Variants in ZNF664 observed in about 807,000 individuals in gnomAD.
The protein encoded by ZNF664 is zinc finger protein 664.
Under a neutral mutation model 18.2 loss-of-function variants are expected in ZNF664, and 10 were observed. The observed-to-expected ratio is 0.55, with a 90% CI of 0.34 to 0.93. The LOEUF (loss-of-function observed/expected upper bound fraction) is 0.93. ZNF664 is among the 40% of genes least tolerant of loss of function. The pLI, the probability that ZNF664 is intolerant of heterozygous loss-of-function variation, is 0.02. For missense variants in ZNF664, 193 were observed against 319.0 expected (o/e 0.61, Z 3.01); for synonymous variants, 119 against 104.2 (o/e 1.14, Z -0.86).
In ZNF664 at chr12:124,011,756, C is replaced by G; in HGVS notation, c.-389C>G. 12 of 1,071,954 alleles carry G rather than the reference C, an allele frequency of 1.1e-5. No homozygotes were observed. The highest frequency in any genetic ancestry group is 1.4e-5 in the Non-Finnish European group (12 of 888,684). The allele number at this position is 1,071,954 out of a possible 1,614,324, so 66.4% of individuals were successfully genotyped here. On this transcript the variant is annotated 5_prime_UTR_variant, in exon 5 of 5. Coordinates refer to ENST00000337815, the MANE Select transcript of ZNF664 (RefSeq NM_152437.3). ...GGGGATATACTGTACAGTCCTTTTT[C>G]TAGAAGTGAGACATACAAGATTACT...
intron 2 of ZNF664, among the ~76,000 whole-genome samples, chr12:123,986,721 C>T (rs1197333905): frequency 1.3e-5 from 2 of 152,134 alleles, no homozygotes; most frequent in Non-Finnish European, 2.9e-5. Context: ...GTCATGTGGC[C>T]GATGGCTGCC....
At chr12:123,988,163 T>C in intron 3 of ZNF664, 25 bp downstream of exon 3, 2 of 1,231,376 alleles carry the variant, frequency 1.6e-6, no homozygotes, top group Non-Finnish European at 2.0e-6. Flanking sequence ...TGTTTCACCA[T>C]TTGTCCTAGA....
intron 3 of ZNF664, among the ~76,000 whole-genome samples, chr12:123,992,783 G>A (rs1223519088): frequency 1.3e-5 from 2 of 152,160 alleles, no homozygotes; most frequent in South Asian, 2.1e-4. Flanking sequence ...TGCCTGAACT[G>A]ACAGGCCTTT....
intron 3 of ZNF664, chr12:124,005,808 C>T (rs1235152700): frequency 2.6e-5 from 4 of 152,516 alleles, no homozygotes; most frequent in African/African-American, 9.6e-5. Context: ...CTATACCTCC[C>T]TGGTACTGGG....
rs1291037838 is a variant in ZNF664, at chr12:123,974,037, C to T, written c.-757+17C>T. On this transcript the variant is annotated intron_variant, in intron 2 of 4. Coordinates refer to ENST00000337815, the MANE Select transcript of ZNF664 (RefSeq NM_152437.3). ...CTCACCCAGGTAAACCGGCTGCCGG[C>T]GCTGTCCACTTCCCTCTGACTCCCG... 4 of 1,004,028 alleles carry T rather than the reference C, an allele frequency of 4.0e-6. No homozygotes were observed. Among genetic ancestry groups the T allele is most frequent in the Admixed American group, 9.3e-5 (2 of 21,484 alleles). 62.2% of individuals were successfully genotyped at this position (1,004,028 alleles called of 1,614,324 possible).
In ZNF664 at chr12:124,013,029, C is replaced by T. The variant is rs1002220530; in HGVS notation, c.*99C>T. ...TTGACCCAAGAAATATTTACGCAATCCCTAGCAGAACATTGTTTCTGAGGA... is the reference window on the plus strand; with the variant it reads ...TTGACCCAAGAAATATTTACGCAATTCCTAGCAGAACATTGTTTCTGAGGA... On this transcript the variant is annotated 3_prime_UTR_variant, in exon 5 of 5. Transcript: ENST00000337815. 1.7e-5 allele frequency: 24 copies of T among 1,382,672 alleles called. No individual in the cohort carries two copies. The highest frequency in any genetic ancestry group is 7.9e-5 in the Admixed American group (3 of 37,806). 85.7% of individuals were successfully genotyped at this position (1,382,672 alleles called of 1,614,324 possible). A position where few individuals can be genotyped will look rare whatever the true frequency, so the allele number is the denominator to read the frequency against.
intron 3 of ZNF664, among the ~76,000 whole-genome samples, chr12:124,001,069 T>C (rs1957005902): frequency 6.6e-6 from 1 of 152,224 alleles, no homozygotes; most frequent in Admixed American, 6.5e-5. Flanking sequence ...TCTGTCTTAC[T>C]GAATGGCTCC....
Position 124,012,241 on chromosome 12 carries a change from T to C in ZNF664, c.97T>C (p.Cys33Arg). The C allele has an allele frequency of 6.2e-7, 1 of 1,614,226 alleles. No homozygotes were observed. Among genetic ancestry groups the C allele is most frequent in the Non-Finnish European group, 8.5e-7 (1 of 1,180,048 alleles). ...TCACACAGCTGAGAAGCCCCATAAATGTGACAAGTGTGATAAGGGTTTCTT... is the reference window on the plus strand; with the variant it reads ...TCACACAGCTGAGAAGCCCCATAAACGTGACAAGTGTGATAAGGGTTTCTT... ...KIHTAEKPHK[C>R]DKCDKGFFHI... The change falls in exon 5 of 5, where the codon TGT becomes CGT. Residue 33 changes from cysteine (C) to arginine (R), a missense_variant. Cys to Arg is a radical substitution (Grantham distance 180, BLOSUM62 -3). Transcript: ENST00000337815.
chr12:123,978,242 T>C (rs1956719309), intron 2 of ZNF664, among the ~76,000 whole-genome samples: 2 of 152,044 alleles, frequency 1.3e-5, no homozygotes, highest in Admixed American at 6.5e-5. Flanking sequence ...ATTTTCAATA[T>C]GCAAAGAACT....
chr12:124,007,587 G>A (rs929410654), intron 3 of ZNF664, among the ~76,000 whole-genome samples: 11 of 152,174 alleles, frequency 7.2e-5, no homozygotes, highest in African/African-American at 2.4e-4. Context: ...AATGAGAGCC[G>A]TTTCGGGGAT....
chr12:123,979,284 G>A (rs971620633), intron 2 of ZNF664, among the ~76,000 whole-genome samples: 3 of 152,216 alleles, frequency 2.0e-5, no homozygotes, highest in African/African-American at 7.2e-5. Flanking sequence ...ATAGTTCTTA[G>A]ATAAATGTGT....
At chr12:123,993,689 C>G (rs1338345497) in intron 3 of ZNF664, among the ~76,000 whole-genome samples, 2 of 152,136 alleles carry the variant, frequency 1.3e-5, no homozygotes, top group Non-Finnish European at 2.9e-5. Flanking sequence ...CGTCCTGATA[C>G]CTAAACAACG....
intron 2 of ZNF664, among the ~76,000 whole-genome samples, chr12:123,982,788 C>T (rs895039447): frequency 1.9e-4 from 29 of 152,276 alleles, no homozygotes; most frequent in African/African-American, 6.3e-4. Flanking sequence ...TAGTTTCAAA[C>T]GGCCTAGAGA....
Position 123,987,318 on chromosome 12 carries a change from A to G in ZNF664, c.-756-725A>G, listed in dbSNP as rs185057968. 3.9e-3 allele frequency among the ~76,000 whole-genome samples: 595 copies of G among 152,328 alleles called. 2 individuals are homozygous for G. Among genetic ancestry groups the G allele is most frequent in the Admixed American group, 7.1e-3 (108 of 15,298 alleles). The stretch of plus-strand genomic sequence containing the variant: ...TCCCAGGGGAAAGTGAAGTTCCCCA[A>G]ACTTAAAGCTAGATCTTGAGATCTA... On this transcript the variant is annotated intron_variant, in intron 2 of 4. Coordinates refer to ENST00000337815, the MANE Select transcript of ZNF664 (RefSeq NM_152437.3).
At chr12:123,974,576 T>C (rs1339759564) in intron 2 of ZNF664, 1 of 152,246 alleles carries the variant, frequency 6.6e-6, no homozygotes, top group East Asian at 1.9e-4. Context: ...TACATTTTCT[T>C]TGTAAAAACA....
rs1956845503 is a variant in ZNF664 at position 123,988,088 on chromosome 12, C to T, written c.-711C>T. On this transcript the variant is annotated 5_prime_UTR_variant, in exon 3 of 5. Coordinates refer to ENST00000337815, the MANE Select transcript of ZNF664 (RefSeq NM_152437.3). Reference sequence around the variant, plus strand: ...AGTCCTTCAGCCACTGTGGGCCCTGCCTCTGCCTGTTCTTCTGGAATGTCT... The same window carrying T: ...AGTCCTTCAGCCACTGTGGGCCCTGTCTCTGCCTGTTCTTCTGGAATGTCT... The T allele has an allele frequency of 4.1e-6, 5 of 1,231,424 alleles. No individual in the cohort carries two copies. The highest frequency in any genetic ancestry group is 4.0e-6 in the Non-Finnish European group (4 of 987,870). The allele number at this position is 1,231,424 out of a possible 1,614,324, so 76.3% of individuals were successfully genotyped here.
intron 2 of ZNF664, among the ~76,000 whole-genome samples, chr12:123,974,721 G>T (rs919542115): frequency 2.6e-5 from 4 of 152,144 alleles, no homozygotes; most frequent in Non-Finnish European, 5.9e-5. Flanking sequence ...CATCATTTTT[G>T]ACTGCTTTAA....
chr12:123,979,554 C>T (rs1355861414), intron 2 of ZNF664, among the ~76,000 whole-genome samples: 1 of 152,148 alleles, frequency 6.6e-6, no homozygotes, highest in African/African-American at 2.4e-5. Flanking sequence ...CATAGGAGAA[C>T]ATACGTTAAT....
intron 3 of ZNF664, among the ~76,000 whole-genome samples, chr12:124,007,742 C>T (rs1021002606): frequency 1.1e-4 from 16 of 144,814 alleles, no homozygotes; most frequent in African/African-American, 2.9e-4. Context: ...CAATATTTTA[C>T]AATAGAATCT....
Sources: gnomAD v4.1 joint callset for allele counts (sites outside exome capture counted in the v4.1 genomes callset) on GRCh38, gnomAD v4.1.1 for gene constraint, MANE v1.5 for transcripts, NCBI Gene and HGNC (gene_info 2026-07-23, HGNC 2026-07-21) for gene names.